The following RNF217 variants were observed in gnomAD, a reference collection of about 807,000 sequenced individuals.
RNF217 encodes the protein E3 ubiquitin-protein ligase RNF217.
A neutral mutation model predicts 57.8 loss-of-function variants in RNF217; 31 were observed. That is an observed-to-expected ratio of 0.54 (90% CI 0.40 to 0.72). The LOEUF is 0.72. RNF217 is among the 30% of genes least tolerant of loss of function. RNF217 has a pLI of 0.00. For synonymous variants in RNF217, 313 were observed against 294.0 expected (o/e 1.06, Z -0.66); for missense variants, 696 against 708.3 (o/e 0.98, Z 0.20).
intron 3 of RNF217, among the ~76,000 whole-genome samples, chr6:125,066,012 A>G (rs1316027675): frequency 2.0e-5 from 3 of 152,154 alleles, no homozygotes. Context: ...CCAGCTGCTC[A>G]GGCCAAGAAC....
rs1438065643 is a variant in RNF217 at position 124,963,186 on chromosome 6, T to A, written c.642T>A (p.Asp214Glu). Residue 214 changes from aspartate (D) to glutamate (E), a missense_variant, in exon 1 of 6, where the codon GAT (aspartate) becomes GAA (glutamate). Coordinates refer to ENST00000521654, the MANE Select transcript of RNF217 (RefSeq NM_001286398.3). ...FPSPRLSLPTDSLSPDGGSIE... is the reference protein window; with the variant it reads ...FPSPRLSLPTESLSPDGGSIE... Reference sequence around the variant, plus strand: ...GCCCCCGACTGTCCCTCCCAACGGATTCCCTCTCCCCCGACGGCGGCAGCA... The same window carrying A: ...GCCCCCGACTGTCCCTCCCAACGGAATCCCTCTCCCCCGACGGCGGCAGCA... The A allele has an allele frequency of 4.2e-5, 65 of 1,535,912 alleles. No homozygotes were observed. The highest frequency in any genetic ancestry group is 5.4e-5 in the Non-Finnish European group (62 of 1,146,886).
chr6:125,025,308 C>G (rs560622441), intron 1 of RNF217, among the ~76,000 whole-genome samples: 1 of 152,226 alleles, frequency 6.6e-6, no homozygotes, highest in South Asian at 2.1e-4. Context: ...TTTCATTTGG[C>G]TTGGCTGCAA....
chr6:125,025,755 AGGAGGGAG>A (rs59977474), intron 1 of RNF217, among the ~76,000 whole-genome samples: 6 of 79,032 alleles, frequency 7.6e-5, no homozygotes, highest in African/African-American at 2.3e-4. Context: ...GAGGAAGGGA[AGGAGGGAG>A]GGAGGGAGGG....
At chr6:125,039,045 C>CTG (rs1786768855) in intron 1 of RNF217, among the ~76,000 whole-genome samples, 1 of 151,964 alleles carries the variant, frequency 6.6e-6, no homozygotes, top group South Asian at 2.1e-4. Flanking sequence ...CCCATCCCTG[C>CTG]TGTGTCCATG....
rs149699865 is a variant in RNF217 at position 125,014,693 on chromosome 6, T to C, written c.883-30518T>C. Among the ~76,000 whole-genome samples the C allele has an allele frequency of 9.8e-4, 149 of 152,314 alleles. 1 individual carries two copies. Among genetic ancestry groups the C allele is most frequent in the African/African-American group, 3.2e-3 (134 of 41,560 alleles). On this transcript the variant is annotated intron_variant, in intron 1 of 5. Transcript: ENST00000521654. ...GGTTAGAGTCTTAACATTCTGATAG[T>C]ATGAAAACTTCCTTCTCCCAGTGAT...
chr6:125,023,367 T>C (rs41523048), intron 1 of RNF217, among the ~76,000 whole-genome samples: 16,158 of 152,224 alleles, frequency 0.11, 1,072 homozygotes, highest in African/African-American at 0.19. Context: ...CACTTTATCC[T>C]GAACACAAGG....
chr6:125,028,239 T>C (rs1786193619), intron 1 of RNF217, among the ~76,000 whole-genome samples: 1 of 152,116 alleles, frequency 6.6e-6, no homozygotes, highest in Non-Finnish European at 1.5e-5. Context: ...TCAGTACCCC[T>C]TTAAATATAT....
chr6:125,074,305 A>ATAGATAGG (rs148999007), intron 3 of RNF217, among the ~76,000 whole-genome samples: 8 of 83,182 alleles, frequency 9.6e-5, no homozygotes, highest in African/African-American at 2.7e-4. Flanking sequence ...AGGTAGATAG[A>ATAGATAGG]TAGATAGATA....
chr6:125,012,889 T>A (rs1785462778), intron 1 of RNF217, among the ~76,000 whole-genome samples: 1 of 152,170 alleles, frequency 6.6e-6, no homozygotes, highest in African/African-American at 2.4e-5. Context: ...TCATAACTCC[T>A]TAAATTGAAG....
intron 1 of RNF217, among the ~76,000 whole-genome samples, chr6:124,964,217 G>A (rs958251802): frequency 4.6e-5 from 7 of 152,174 alleles, no homozygotes; most frequent in Non-Finnish European, 8.8e-5. Context: ...GTTTCTGCCA[G>A]TGTTTTGCAC....
rs1345560448 is a variant in RNF217 at position 124,962,965 on chromosome 6, G to A, written c.421G>A (p.Ala141Thr). ...GCTGGAGCCCAGGACCCGCGTGGGG[G>A]CCGCCGACGGACTGGTCCTGGACGT... Reference protein sequence around the residue: ...EELEPRTRVGAADGLVLDVLG... With the variant: ...EELEPRTRVGTADGLVLDVLG... Residue 141 changes from alanine (A) to threonine (T), a missense_variant, in exon 1 of 6, where the codon GCC (alanine) becomes ACC (threonine). This residue lies in a region of RNF217 where 465 missense variants were observed against 386.8 expected (regional missense o/e 1.20). Coordinates refer to ENST00000521654, the MANE Select transcript of RNF217 (RefSeq NM_001286398.3). The surrounding 1 kb of genome is among the most constrained non-coding windows in gnomAD (Gnocchi z 4.6). The A allele has an allele frequency of 6.3e-7, 1 of 1,596,514 alleles. No homozygotes were observed. The highest frequency in any genetic ancestry group is 1.3e-5 in the African/African-American group (1 of 75,022).
chr6:125,061,082 G>A (rs1406119977), intron 3 of RNF217, among the ~76,000 whole-genome samples: 1 of 151,954 alleles, frequency 6.6e-6, no homozygotes, highest in East Asian at 1.9e-4. Flanking sequence ...GGCTTGCTTG[G>A]TTTGTTCTGG....
rs1409947244 is a variant in RNF217, at chr6:125,088,401, CTT to C, written c.*5466_*5467del. The C allele has an allele frequency of 6.6e-6, 1 of 152,044 alleles. No individual in the cohort carries two copies. The highest frequency in any genetic ancestry group is 1.5e-5 in the Non-Finnish European group (1 of 67,990). The allele number at this position is 152,044 out of a possible 1,614,324, so 9.4% of individuals were successfully genotyped here. On this transcript the variant is annotated 3_prime_UTR_variant, in exon 6 of 6. Transcript: ENST00000521654. ...AACAAATACACATTTCATAGCCAAA[CTT>C]TGTGTGGGACTTCTATTGTTACTAA...
intron 2 of RNF217, among the ~76,000 whole-genome samples, chr6:125,051,354 TA>T (rs1038713624): frequency 1.3e-5 from 2 of 151,858 alleles, no homozygotes; most frequent in Non-Finnish European, 2.9e-5. Flanking sequence ...GATCGTGTGT[TA>T]AAGTAGGCCA....
At position 125,022,292 on chromosome 6, in the gene RNF217, T is replaced by C. The variant is rs1396409974; in HGVS notation, c.883-22919T>C. ...ACATGAAGAGATTATTCAACAGTTA[T>C]GTAAAATTTATATAGCTCCATTATA... On this transcript the variant is annotated intron_variant, in intron 1 of 5. Transcript: ENST00000521654. Among the ~76,000 whole-genome samples the C allele has an allele frequency of 2.0e-5, 3 of 152,344 alleles. No homozygotes were observed. In the South Asian group the frequency reaches 6.2e-4, roughly 32 times the overall value.
chr6:124,996,154 C>A (rs1370277988), intron 1 of RNF217, among the ~76,000 whole-genome samples: 1 of 152,028 alleles, frequency 6.6e-6, no homozygotes, highest in Non-Finnish European at 1.5e-5. Flanking sequence ...ATGAAAGTTC[C>A]CATTGCTCCA....
At position 124,962,857 on chromosome 6, in the gene RNF217, T is replaced by A; in HGVS notation, c.313T>A (p.Leu105Met). 1 of 1,597,732 alleles carries A rather than the reference T, an allele frequency of 6.3e-7. No homozygotes were observed. The highest frequency in any genetic ancestry group is 8.5e-7 in the Non-Finnish European group (1 of 1,179,530). ...PLNPQTLPLQ[L>M]ELEEEEEEAG... ...CAATCCCCAGACCTTGCCACTGCAG[T>A]TGGAGCTGGAGGAGGAAGAGGAGGA... Residue 105 changes from leucine to methionine, a missense_variant, in exon 1 of 6, where the codon TTG (leucine) becomes ATG (methionine). This residue lies in a region of RNF217 where 465 missense variants were observed against 386.8 expected (regional missense o/e 1.20). Transcript: ENST00000521654. This position sits in a 1 kb window ranked among gnomAD's most constrained non-coding sequence, Gnocchi z 4.6.
chr6:125,079,740 G>T (rs1178353037), intron 4 of RNF217, among the ~76,000 whole-genome samples: 1 of 151,926 alleles, frequency 6.6e-6, no homozygotes, highest in African/African-American at 2.4e-5. Context: ...GATAAATCTA[G>T]ATAAACTGAA....
Position 125,018,154 on chromosome 6 carries a change from CATTA to C in RNF217, c.883-27052_883-27049del, listed in dbSNP as rs1294958851. Among the ~76,000 whole-genome samples the C allele has an allele frequency of 6.6e-5, 10 of 152,230 alleles. No homozygotes were observed. The East Asian group carries it at 1.5e-3, about 23-fold the overall frequency. On this transcript the variant is annotated intron_variant, in intron 1 of 5. Transcript: ENST00000521654. Reference sequence around the variant, plus strand: ...TGAGGGCTCCTTACTTTCAAATTAGCATTAATTAGAGGTAGTGTAGAATCATATA... The same window carrying C: ...TGAGGGCTCCTTACTTTCAAATTAGCATTAGAGGTAGTGTAGAATCATATA...
Sources: allele counts gnomAD v4.1 joint callset (sites outside exome capture counted in the v4.1 genomes callset), GRCh38; gene constraint gnomAD v4.1.1; regional missense constraint gnomAD v4.1.1; non-coding constraint Gnocchi (gnomAD v3.1); transcripts MANE v1.5; gene names NCBI Gene and HGNC (gene_info 2026-07-23, HGNC 2026-07-21).